Variants in ZRANB3 observed in about 807,000 individuals in gnomAD.
ZRANB3 encodes zinc finger RANBP2-type containing 3, also known as DNA annealing helicase and endonuclease ZRANB3.
Under a neutral mutation model 133.8 loss-of-function variants are expected in ZRANB3, and 125 were observed. The ratio of observed to expected loss-of-function variants is 0.93; its 90% CI spans 0.81 to 1.08. The LOEUF (loss-of-function observed/expected upper bound fraction) is 1.08, where lower values mean the gene tolerates loss of function less well. ZRANB3 is among the 50% of genes least tolerant of loss of function. ZRANB3 has a pLI of 0.00. For missense variants in ZRANB3, 1,229 were observed against 1,275.5 expected (o/e 0.96, Z 0.56); for synonymous variants, 387 against 432.7 (o/e 0.89, Z 1.31).
intron 2 of ZRANB3, among the ~76,000 whole-genome samples, chr2:135,449,643 G>A (rs1690179451): frequency 6.6e-6 from 1 of 152,012 alleles, no homozygotes; most frequent in Non-Finnish European, 1.5e-5. Flanking sequence ...TAAAATAATT[G>A]GAACAATAAT....
intron 2 of ZRANB3, among the ~76,000 whole-genome samples, chr2:135,466,374 C>T (rs2105021826): frequency 9.8e-6 from 1 of 102,136 alleles, no homozygotes; most frequent in African/African-American, 4.3e-5. Flanking sequence ...CAGAGTAAGA[C>T]TCCGTCACAA....
At chr2:135,319,727 T>C (rs1393945507) in intron 6 of ZRANB3, among the ~76,000 whole-genome samples, 1 of 152,190 alleles carries the variant, frequency 6.6e-6, no homozygotes, top group African/African-American at 2.4e-5. Context: ...GGATTATTTC[T>C]GGAAGCCATT....
chr2:135,413,494 C>G (rs145955521), intron 2 of ZRANB3, among the ~76,000 whole-genome samples: 2 of 152,178 alleles, frequency 1.3e-5, no homozygotes, highest in Admixed American at 6.5e-5. Context: ...TTACTGACAA[C>G]AGCAACAAAG....
Position 135,402,742 on chromosome 2 carries a change from C to A in ZRANB3, c.162-11922G>T, listed in dbSNP as rs62172200. 3.9e-5 allele frequency among the ~76,000 whole-genome samples: 6 copies of A among 151,960 alleles called. No individual in the cohort carries two copies. The East Asian group carries it at 5.8e-4, about 15-fold the overall frequency. On this transcript the variant is annotated intron_variant, in intron 2 of 20. Coordinates refer to ENST00000264159, the MANE Select transcript of ZRANB3 (RefSeq NM_032143.4). ...CTGGAATTACAGGTGCGGGCCACCA[C>A]GTCCAGCTAATTTTTGTATTTTTTG... is the stretch of plus-strand genomic sequence containing the variant.
chr2:135,287,871 A>G (rs924487114), intron 8 of ZRANB3, among the ~76,000 whole-genome samples: 1 of 152,034 alleles, frequency 6.6e-6, no homozygotes, highest in African/African-American at 2.4e-5. Flanking sequence ...CGATCTTATC[A>G]TTGGCAAACC....
At chr2:135,255,870 C>G (rs533066236) in intron 12 of ZRANB3, among the ~76,000 whole-genome samples, 53 of 147,706 alleles carry the variant, frequency 3.6e-4, no homozygotes, top group African/African-American at 1.3e-3. Context: ...CCTCCTCAAA[C>G]AAAAAAAACC....
At chr2:135,357,144 T>A (rs764722889) in intron 3 of ZRANB3, among the ~76,000 whole-genome samples, 1 of 152,122 alleles carries the variant, frequency 6.6e-6, no homozygotes, top group Non-Finnish European at 1.5e-5. Flanking sequence ...TCACCAAGGG[T>A]GAAATGTAGT....
At chr2:135,262,599 T>C (rs1160717357) in intron 12 of ZRANB3, among the ~76,000 whole-genome samples, 1 of 151,140 alleles carries the variant, frequency 6.6e-6, no homozygotes, top group African/African-American at 2.4e-5. Context: ...CTGAGCCACG[T>C]AGTGAGACTC....
chr2:135,222,863 C>CA (rs1415369747), intron 15 of ZRANB3, among the ~76,000 whole-genome samples: 4 of 152,018 alleles, frequency 2.6e-5, no homozygotes. Context: ...ATAATCCTAG[C>CA]ACTTTAGGAG....
intron 1 of ZRANB3, chr2:135,511,508 G>C: frequency 1.0e-6 from 1 of 977,060 alleles, no homozygotes; most frequent in Admixed American, 1.7e-5. Flanking sequence ...GACTCCTCCT[G>C]AGGCTCAGTG....
intron 2 of ZRANB3, among the ~76,000 whole-genome samples, chr2:135,404,853 C>A (rs6752752): frequency 0.27 from 40,287 of 151,974 alleles, 8,894 homozygotes; most frequent in African/African-American, 0.59. Context: ...AGCCAAACTA[C>A]GCTGCAAAAT....
At chr2:135,378,786 C>A (rs1412602433) in intron 3 of ZRANB3, among the ~76,000 whole-genome samples, 1 of 152,088 alleles carries the variant, frequency 6.6e-6, no homozygotes, top group Non-Finnish European at 1.5e-5. Context: ...AAGGAAAGTA[C>A]CAGTTGAATT....
intron 2 of ZRANB3, among the ~76,000 whole-genome samples, chr2:135,431,746 C>T (rs1453072819): frequency 6.6e-6 from 1 of 152,052 alleles, no homozygotes; most frequent in Non-Finnish European, 1.5e-5. Context: ...AAATTAAAAC[C>T]ATAGTGAAAT....
intron 3 of ZRANB3, among the ~76,000 whole-genome samples, chr2:135,386,204 A>T (rs1281058244): frequency 6.6e-6 from 1 of 152,238 alleles, no homozygotes; most frequent in Non-Finnish European, 1.5e-5. Flanking sequence ...CACTTCTCAA[A>T]AGAAGACATT....
intron 2 of ZRANB3, among the ~76,000 whole-genome samples, chr2:135,450,380 A>C (rs1330721149): frequency 1.3e-5 from 2 of 152,040 alleles, no homozygotes; most frequent in African/African-American, 2.4e-5. Flanking sequence ...TAACTCTATT[A>C]ATCCTCAAAA....
chr2:135,307,950 G>C (rs1682782795), intron 8 of ZRANB3, among the ~76,000 whole-genome samples: 1 of 152,188 alleles, frequency 6.6e-6, no homozygotes, highest in Non-Finnish European at 1.5e-5. Flanking sequence ...GCTTTCAGTA[G>C]TCCTGCACGC....
intron 2 of ZRANB3, among the ~76,000 whole-genome samples, chr2:135,407,798 C>T (rs1688110914): frequency 7.0e-6 from 1 of 143,230 alleles, no homozygotes; most frequent in Non-Finnish European, 1.5e-5. Flanking sequence ...GGATCCCTTC[C>T]TTACACCTTA....
intron 2 of ZRANB3, among the ~76,000 whole-genome samples, chr2:135,421,279 C>A (rs1487260514): frequency 6.6e-6 from 1 of 152,092 alleles, no homozygotes; most frequent in Non-Finnish European, 1.5e-5. Flanking sequence ...TTGGCAAATA[C>A]AATGGATTGT....
rs1004720859 is a variant in ZRANB3 at position 135,494,200 on chromosome 2, C to T, written c.161+10129G>A. On this transcript the variant is annotated intron_variant, in intron 2 of 20. Coordinates refer to ENST00000264159, the MANE Select transcript of ZRANB3 (RefSeq NM_032143.4). ...GAGGGAGGGAGGGAGGGCGCGGTGG[C>T]TCACGCCTGTATCAGGAGAATGGCA... 2.1e-5 allele frequency among the ~76,000 whole-genome samples: 3 copies of T among 145,880 alleles called. No homozygotes were observed. The Admixed American group carries it at 2.1e-4, about 10-fold the overall frequency.
Sources: allele counts gnomAD v4.1 joint callset (sites outside exome capture counted in the v4.1 genomes callset), GRCh38; gene constraint gnomAD v4.1.1; transcripts MANE v1.5; gene names NCBI Gene and HGNC (gene_info 2026-07-23, HGNC 2026-07-21).